FAM13C: variants seen among roughly 807,000 people sequenced by gnomAD.
FAM13C encodes family with sequence similarity 13 member C.
Under a neutral mutation model 73.2 loss-of-function variants are expected in FAM13C, and 37 were observed. The ratio of observed to expected loss-of-function variants is 0.51; its 90% CI spans 0.39 to 0.67. FAM13C has a LOEUF of 0.67. Ranked by LOEUF, FAM13C falls within the 30% of genes least tolerant of loss-of-function variation. FAM13C has a pLI of 0.00. For missense variants in FAM13C, 589 were observed against 715.6 expected (o/e 0.82, Z 2.02); for synonymous variants, 246 against 260.9 (o/e 0.94, Z 0.55).
intron 3 of FAM13C, 137 bp downstream of exon 3, chr10:59,352,133 G>A: frequency 1.1e-6 from 1 of 923,732 alleles, no homozygotes. Context: ...ACGTGTCTCA[G>A]GTCGGCAGAG....
intron 4 of FAM13C, among the ~76,000 whole-genome samples, chr10:59,305,357 A>T (rs1304875488): frequency 6.6e-6 from 1 of 152,220 alleles, no homozygotes; most frequent in Non-Finnish European, 1.5e-5. Flanking sequence ...GACAGTCTGA[A>T]TGCTATTATA....
At chr10:59,251,807 A>AT in intron 12 of FAM13C, 131 bp from the exon 13 acceptor site, 1 of 672,152 alleles carries the variant, frequency 1.5e-6, no homozygotes, top group Non-Finnish European at 2.5e-6. Flanking sequence ...GTATCTTTTG[A>AT]GTAAATATGA....
At chr10:59,281,707 C>T (rs542388171) in intron 6 of FAM13C, among the ~76,000 whole-genome samples, 6 of 152,162 alleles carry the variant, frequency 3.9e-5, no homozygotes, top group African/African-American at 1.4e-4. Context: ...TAAGCTTGTA[C>T]AAAATCTTGC....
At chr10:59,355,645 C>T (rs1291222453) in intron 2 of FAM13C, among the ~76,000 whole-genome samples, 1 of 152,144 alleles carries the variant, frequency 6.6e-6, no homozygotes, top group Admixed American at 6.5e-5. Context: ...AATCAATACT[C>T]AGTTCAACAG....
Position 59,247,509 on chromosome 10 carries a change from A to T in FAM13C, c.*105T>A, listed in dbSNP as rs1384775425. Reference sequence around the variant, plus strand: ...TAAAAACAGCTAATACTACCACTAAAGTGCTTCCATTTTCATTGTGTCAAA... The same window carrying T: ...TAAAAACAGCTAATACTACCACTAATGTGCTTCCATTTTCATTGTGTCAAA... On this transcript the variant is annotated 3_prime_UTR_variant, in exon 14 of 14. Transcript: ENST00000618804. 1 of 1,412,114 alleles carries T rather than the reference A, an allele frequency of 7.1e-7. No homozygotes were observed. The highest frequency in any genetic ancestry group is 2.3e-5 in the East Asian group (1 of 43,528). The allele number at this position is 1,412,114 out of a possible 1,614,324, so 87.5% of individuals were successfully genotyped here. A position where few individuals can be genotyped will look rare whatever the true frequency, so the allele number is the denominator to read the frequency against.
chr10:59,265,305 TAGGGAAGGGGTTTTGGC>T (rs1564494415), intron 8 of FAM13C, among the ~76,000 whole-genome samples: 11 of 32,170 alleles, frequency 3.4e-4, no homozygotes, highest in African/African-American at 1.3e-3. Flanking sequence ...GGCAGAGGGA[TAGGGAAGGGGTTTTGGC>T]GGGGGGGGGG....
upstream of FAM13C, chr10:59,362,699 G>A: frequency 1.2e-6 from 1 of 862,184 alleles, no homozygotes; most frequent in South Asian, 2.0e-5. Context: ...GCGCGGCGGC[G>A]GGGCTGGGAC....
chr10:59,312,381 G>A (rs948525386), intron 4 of FAM13C, among the ~76,000 whole-genome samples: 1 of 152,128 alleles, frequency 6.6e-6, no homozygotes, highest in Non-Finnish European at 1.5e-5. Context: ...AGAGTCATGA[G>A]TCTCTATCCT....
At position 59,248,864 on chromosome 10, in the gene FAM13C, G is replaced by T. The variant is rs1258867675; in HGVS notation, c.1635-1127C>A. ...ACTATTTATTGCCCTGCAATTTCTA[G>T]TACAGAACTCAGAACAGTATACAAA... On this transcript the variant is annotated intron_variant, in intron 13 of 13. Coordinates refer to ENST00000618804, the MANE Select transcript of FAM13C (RefSeq NM_198215.4). Among the ~76,000 whole-genome samples, 8 of 152,078 alleles carry T rather than the reference G, an allele frequency of 5.3e-5. No individual in the cohort carries two copies. The East Asian group carries it at 1.5e-3, about 29-fold the overall frequency.
Position 59,246,573 on chromosome 10 carries a change from G to T in FAM13C, c.*1041C>A, listed in dbSNP as rs1840726668. 2.5e-6 allele frequency: 1 copy of T among 396,708 alleles called. No homozygotes were observed. The highest frequency in any genetic ancestry group is 4.5e-6 in the Non-Finnish European group (1 of 224,562). 24.6% of individuals were successfully genotyped at this position (396,708 alleles called of 1,614,324 possible). A position where few individuals can be genotyped will look rare whatever the true frequency, so the allele number is the denominator to read the frequency against. On this transcript the variant is annotated 3_prime_UTR_variant, in exon 14 of 14. Transcript: ENST00000618804. ...TTACAAAAATGAAAATAATAAACATGTTTTCGTATAAAATAACACAAAATG... is the reference window on the plus strand; with the variant it reads ...TTACAAAAATGAAAATAATAAACATTTTTTCGTATAAAATAACACAAAATG...
At chr10:59,345,503 AC>A (rs1854184153) in intron 3 of FAM13C, among the ~76,000 whole-genome samples, 1 of 152,214 alleles carries the variant, frequency 6.6e-6, no homozygotes. Flanking sequence ...ATTTCCAAAA[AC>A]AAAGTGATAA....
At chr10:59,287,781 C>T (rs1161683240) in intron 5 of FAM13C, among the ~76,000 whole-genome samples, 1 of 152,228 alleles carries the variant, frequency 6.6e-6, no homozygotes, top group Non-Finnish European at 1.5e-5. Context: ...ATGTTGCAAA[C>T]ACACAAGGAC....
chr10:59,260,721 C>T (rs187267362), intron 10 of FAM13C, among the ~76,000 whole-genome samples: 108 of 152,244 alleles, frequency 7.1e-4, no homozygotes, highest in Non-Finnish European at 1.2e-3. Flanking sequence ...GCATTGACCA[C>T]CCCCCAATGG....
At position 59,247,429 on chromosome 10, in the gene FAM13C, T is replaced by G. The variant is rs545614292; in HGVS notation, c.*185A>C. 1.5e-6 allele frequency: 1 copy of G among 658,292 alleles called. No homozygotes were observed. The highest frequency in any genetic ancestry group is 1.9e-5 in the African/African-American group (1 of 53,740). 40.8% of individuals were successfully genotyped at this position (658,292 alleles called of 1,614,324 possible). On this transcript the variant is annotated 3_prime_UTR_variant, in exon 14 of 14. Coordinates refer to ENST00000618804, the MANE Select transcript of FAM13C (RefSeq NM_198215.4). ...AATTATATGGCTACCTGTTGTATTC[T>G]TCCCCCCGTTTAAATCCCTTCTCCT... is the stretch of plus-strand genomic sequence containing the variant.
chr10:59,341,808 T>C (rs553099455), intron 3 of FAM13C, among the ~76,000 whole-genome samples: 49 of 152,218 alleles, frequency 3.2e-4, no homozygotes, highest in African/African-American at 1.1e-3. Flanking sequence ...ACGATGAGCT[T>C]TGTTGGGTGG....
chr10:59,350,962 T>G (rs1397196479), intron 3 of FAM13C, among the ~76,000 whole-genome samples: 2 of 152,212 alleles, frequency 1.3e-5, no homozygotes, highest in East Asian at 3.9e-4. Flanking sequence ...ATATGTTAGG[T>G]GCATTACACG....
chr10:59,352,541 A>G lies in FAM13C; in HGVS notation c.120-67T>C, dbSNP rs1589723862. The stretch of plus-strand genomic sequence containing the variant: ...AGATGAATAAACTGCTGCAGGAAAG[A>G]GGGCTGGAGATATTCATTGCTGCTA... On this transcript the variant is annotated intron_variant, in intron 2 of 13. Transcript: ENST00000618804. 4 of 1,443,692 alleles carry G rather than the reference A, an allele frequency of 2.8e-6. No homozygotes were observed. In the East Asian group the frequency reaches 7.4e-5, roughly 27 times the overall value. The allele number at this position is 1,443,692 out of a possible 1,614,324, so 89.4% of individuals were successfully genotyped here. A position where few individuals can be genotyped will look rare whatever the true frequency, so the allele number is the denominator to read the frequency against.
At chr10:59,269,369 T>C (rs568920012) in intron 7 of FAM13C, among the ~76,000 whole-genome samples, 2 of 151,526 alleles carry the variant, frequency 1.3e-5, no homozygotes, top group African/African-American at 2.4e-5. Context: ...AGTTCCTCAA[T>C]CCCAAATGCA....
intron 13 of FAM13C, among the ~76,000 whole-genome samples, chr10:59,250,757 C>CAG (rs1231704957): frequency 8.5e-5 from 13 of 152,148 alleles, no homozygotes; most frequent in African/African-American, 3.1e-4. Context: ...AATCTCATTT[C>CAG]ATCTACTTAA....
Sources: allele counts gnomAD v4.1 joint callset (sites outside exome capture counted in the v4.1 genomes callset), GRCh38; gene constraint gnomAD v4.1.1; transcripts MANE v1.5; gene names NCBI Gene and HGNC (gene_info 2026-07-23, HGNC 2026-07-21).